Variants in HHIP observed in about 807,000 individuals in gnomAD.
The protein encoded by HHIP is hedgehog-interacting protein.
A neutral mutation model predicts 74.0 loss-of-function variants in HHIP; 12 were observed. The ratio of observed to expected loss-of-function variants is 0.16; its 90% CI spans 0.10 to 0.26. HHIP has a LOEUF of 0.26. HHIP is among the 10% of genes least tolerant of loss of function. The probability of loss-of-function intolerance (pLI) is 1.00; values close to 1 mark genes in which losing one functional copy is unlikely to be tolerated. For synonymous variants in HHIP, 309 were observed against 311.6 expected, an observed-to-expected ratio of 0.99 and a Z score of 0.09; for missense variants, 788 against 845.0, an observed-to-expected ratio of 0.93 and a Z score of 0.84.
At chr4:144,715,721 A>G in intron 10 of HHIP, 1 of 191,774 alleles carries the variant, frequency 5.2e-6, no homozygotes, top group Non-Finnish European at 1.1e-5. Flanking sequence ...TAATTTTTTA[A>G]ATGTTTAATG....
chr4:144,724,263 A>T (rs1730729635), intron 11 of HHIP, among the ~76,000 whole-genome samples: 1 of 152,212 alleles, frequency 6.6e-6, no homozygotes, highest in South Asian at 2.1e-4. Context: ...ATTTCAAAAT[A>T]AATAGGTGCT....
chr4:144,708,349 C>G, intron 7 of HHIP, 38 bp downstream of exon 7: 1 of 1,609,964 alleles, frequency 6.2e-7, no homozygotes, highest in Non-Finnish European at 8.5e-7. Context: ...GGCTTTTAAG[C>G]CAGGCGGGGA....
Position 144,738,519 on chromosome 4 carries a change from T to C in HHIP, c.*562T>C. On this transcript the variant is annotated 3_prime_UTR_variant, in exon 13 of 13. Coordinates refer to ENST00000296575, the MANE Select transcript of HHIP (RefSeq NM_022475.3). ...TATCCAGTTACAGAATGCTACACACTTACCTTTTTATTGGCTGAGAAATCT... is the reference window on the plus strand; with the variant it reads ...TATCCAGTTACAGAATGCTACACACCTACCTTTTTATTGGCTGAGAAATCT... 1 of 965,918 alleles carries C rather than the reference T, an allele frequency of 1.0e-6. No individual in the cohort carries two copies. 59.8% of individuals were successfully genotyped at this position (965,918 alleles called of 1,614,324 possible). A position where few individuals can be genotyped will look rare whatever the true frequency, so the allele number is the denominator to read the frequency against.
chr4:144,662,458 AGTT>A (rs1327268692), intron 4 of HHIP, among the ~76,000 whole-genome samples: 3 of 152,226 alleles, frequency 2.0e-5, no homozygotes, highest in Non-Finnish European at 2.9e-5. Flanking sequence ...CCAGAGAAAA[AGTT>A]AATCTGCAAA....
intron 4 of HHIP, chr4:144,660,094 A>C: frequency 1.9e-6 from 1 of 534,836 alleles, no homozygotes; most frequent in Non-Finnish European, 3.3e-6. Context: ...ACACATTTAA[A>C]GGAATCTTTG....
intron 4 of HHIP, among the ~76,000 whole-genome samples, chr4:144,674,855 G>A (rs866303990): frequency 1.4e-3 from 210 of 152,280 alleles, no homozygotes; most frequent in African/African-American, 4.6e-3. Flanking sequence ...TGAGTTGTCA[G>A]TAAATTACTT....
chr4:144,718,106 A>T (rs1356333320), intron 10 of HHIP, among the ~76,000 whole-genome samples: 3 of 152,228 alleles, frequency 2.0e-5, no homozygotes, highest in African/African-American at 7.2e-5. Context: ...ATCAAAATAA[A>T]TTTTTAAAAA....
intron 4 of HHIP, among the ~76,000 whole-genome samples, chr4:144,680,247 AC>A (rs144814204): frequency 0.023 from 3,517 of 152,254 alleles, 132 homozygotes; most frequent in African/African-American, 0.08. Flanking sequence ...CCAAAAAAAA[AC>A]TTCTTGTTTT....
chr4:144,700,793 A>G (rs1729956935), intron 4 of HHIP, among the ~76,000 whole-genome samples: 1 of 152,194 alleles, frequency 6.6e-6, no homozygotes, highest in South Asian at 2.1e-4. Context: ...ACTCTAATCT[A>G]CAAATTAAGA....
chr4:144,653,334 C>T (rs980236873), intron 2 of HHIP, among the ~76,000 whole-genome samples: 1 of 152,062 alleles, frequency 6.6e-6, no homozygotes, highest in African/African-American at 2.4e-5. Flanking sequence ...GAGTGGAGTC[C>T]TCTCCAATTG....
In HHIP at chr4:144,737,888, G is replaced by C; in HGVS notation, c.2034G>C (p.Arg678Ser). Residue 678 changes from arginine to serine, a missense_variant, in exon 13 of 13, where the codon AGG (arginine) becomes AGC (serine). This residue lies in a region of HHIP where 343 missense variants were observed against 347.9 expected (regional missense o/e 0.99). Coordinates refer to ENST00000296575, the MANE Select transcript of HHIP (RefSeq NM_022475.3). ...QVDRNIRRVTRAGILDQIIDM... is the reference protein window; with the variant it reads ...QVDRNIRRVTSAGILDQIIDM... ...ACAGAAACATCCGCAGAGTGACCAG[G>C]GCAGGTATTCTTGATCAGATCATTG... is the stretch of plus-strand genomic sequence containing the variant. The C allele has an allele frequency of 6.2e-7, 1 of 1,613,402 alleles. No homozygotes were observed. The highest frequency in any genetic ancestry group is 8.5e-7 in the Non-Finnish European group (1 of 1,179,614).
chr4:144,692,330 T>C (rs1050723572), intron 4 of HHIP, among the ~76,000 whole-genome samples: 2 of 152,110 alleles, frequency 1.3e-5, no homozygotes, highest in African/African-American at 2.4e-5. Flanking sequence ...ACGTGTGCCC[T>C]CAGATACCGA....
intron 11 of HHIP, among the ~76,000 whole-genome samples, chr4:144,725,077 A>G (rs1730758198): frequency 6.6e-6 from 1 of 152,200 alleles, no homozygotes; most frequent in Admixed American, 6.5e-5. Flanking sequence ...GAAGTCTGAT[A>G]TTAGTCCTTT....
At chr4:144,708,501 G>A (rs1476669654) in intron 7 of HHIP, among the ~76,000 whole-genome samples, 190 bp downstream of exon 7, 1 of 152,226 alleles carries the variant, frequency 6.6e-6, no homozygotes, top group Admixed American at 6.5e-5. Context: ...ACTGTGAGAA[G>A]CAGATTGAGA....
chr4:144,659,114 G>A (rs1338426347), intron 3 of HHIP, among the ~76,000 whole-genome samples, 168 bp downstream of exon 3: 1 of 152,148 alleles, frequency 6.6e-6, no homozygotes, highest in African/African-American at 2.4e-5. Flanking sequence ...TAGCTTAAAT[G>A]CTTTTAATAC....
intron 2 of HHIP, among the ~76,000 whole-genome samples, chr4:144,657,914 A>C (rs1315446301): frequency 6.6e-6 from 1 of 152,226 alleles, no homozygotes; most frequent in African/African-American, 2.4e-5. Flanking sequence ...ATAAGCACCA[A>C]TTCATTGCTT....
At chr4:144,720,027 A>G (rs1730587266) in intron 11 of HHIP, among the ~76,000 whole-genome samples, 1 of 152,222 alleles carries the variant, frequency 6.6e-6, no homozygotes, top group Non-Finnish European at 1.5e-5. Context: ...CAGAACAAAA[A>G]AAGAATCAGT....
chr4:144,717,223 A>G (rs958276022), intron 10 of HHIP, among the ~76,000 whole-genome samples: 4 of 152,208 alleles, frequency 2.6e-5, no homozygotes, highest in African/African-American at 9.6e-5. Flanking sequence ...AAGTTTTTGC[A>G]CCTTTTGAAA....
At chr4:144,700,553 A>C (rs1729945390) in intron 4 of HHIP, among the ~76,000 whole-genome samples, 1 of 152,190 alleles carries the variant, frequency 6.6e-6, no homozygotes, top group African/African-American at 2.4e-5. Context: ...CAGTGTAATC[A>C]CAAGTTCTTA....
Sources: allele counts gnomAD v4.1 joint callset (sites outside exome capture counted in the v4.1 genomes callset), GRCh38; gene constraint gnomAD v4.1.1; regional missense constraint gnomAD v4.1.1; transcripts MANE v1.5; gene names NCBI Gene and HGNC (gene_info 2026-07-23, HGNC 2026-07-21).